The following PDZD2 variants were observed in gnomAD, a reference collection of about 807,000 sequenced individuals.
PDZD2 encodes the protein PDZ domain-containing protein 2.
A neutral mutation model predicts 220.7 loss-of-function variants in PDZD2; 90 were observed. The observed-to-expected ratio is 0.41, with a 90% CI of 0.34 to 0.49. PDZD2 has a LOEUF of 0.49. Ranked by LOEUF, PDZD2 falls within the 20% of genes least tolerant of loss-of-function variation. The pLI is 0.28. For missense variants in PDZD2, 3,174 were observed against 3,608.5 expected (o/e 0.88, Z 3.08); for synonymous variants, 1,375 against 1,450.5 (o/e 0.95, Z 1.18).
chr5:31,660,936 A>G (rs369864516), intron 1 of PDZD2, among the ~76,000 whole-genome samples: 2 of 152,126 alleles, frequency 1.3e-5, no homozygotes, highest in Admixed American at 6.5e-5. Flanking sequence ...GTCTTGCTAT[A>G]TTGTCCAGCC....
chr5:32,001,044 G>C (rs188155123), intron 5 of PDZD2, among the ~76,000 whole-genome samples: 1 of 152,188 alleles, frequency 6.6e-6, no homozygotes, highest in South Asian at 2.1e-4. Flanking sequence ...TAGGTTGCAC[G>C]CGTCTTATGA....
chr5:32,052,427 T>C, intron 8 of PDZD2, 184 bp from the exon 9 acceptor site: 1 of 537,944 alleles, frequency 1.9e-6, no homozygotes, highest in Non-Finnish European at 3.3e-6. Flanking sequence ...ATTACAGGCA[T>C]GAGCCACGGT....
At position 32,101,111 on chromosome 5, in the gene PDZD2, G is replaced by A. The variant is rs1744220399; in HGVS notation, c.8225G>A (p.Ser2742Asn). The change falls in exon 24 of 25, where the codon AGT becomes AAT. Residue 2742 changes from serine (S) to asparagine (N), a missense_variant. Coordinates refer to ENST00000438447, the MANE Select transcript of PDZD2 (RefSeq NM_178140.4). Reference protein sequence around the residue: ...TIPLEPGIGRSVAVHDALCVE... With the variant: ...TIPLEPGIGRNVAVHDALCVE... ...GTGCACGCTGCGGCTGCAGGGAGAA[G>A]TGTGGCTGTACACGATGCTCTGTGT... 1 of 1,614,198 alleles carries A rather than the reference G, an allele frequency of 6.2e-7. No individual in the cohort carries two copies. The highest frequency in any genetic ancestry group is 1.3e-5 in the African/African-American group (1 of 75,052).
At chr5:31,787,522 GGACA>G (rs1370653349) in intron 1 of PDZD2, 4 of 152,088 alleles carry the variant, frequency 2.6e-5, no homozygotes, top group Non-Finnish European at 5.9e-5. Flanking sequence ...ATTTTTATAT[GGACA>G]GATAGTCCAT....
intron 2 of PDZD2, among the ~76,000 whole-genome samples, chr5:31,925,592 A>G (rs1258642786): frequency 6.6e-6 from 1 of 152,154 alleles, no homozygotes. Context: ...CAGACACAAC[A>G]AAAACAAAAA....
intron 6 of PDZD2, among the ~76,000 whole-genome samples, chr5:32,011,028 A>AAAAC (rs1426218289): frequency 6.8e-6 from 1 of 147,044 alleles, no homozygotes; most frequent in African/African-American, 2.7e-5. Flanking sequence ...AAAAACAACA[A>AAAAC]CAACAACAAC....
chr5:31,989,484 G>A (rs932350535), intron 3 of PDZD2, among the ~76,000 whole-genome samples: 5 of 145,080 alleles, frequency 3.4e-5, no homozygotes, highest in Middle Eastern at 3.3e-3. Flanking sequence ...GTGCAGTGGC[G>A]CGATCTTGGC....
intron 7 of PDZD2, among the ~76,000 whole-genome samples, chr5:32,041,125 C>T (rs1581354184): frequency 6.8e-6 from 1 of 147,016 alleles, no homozygotes; most frequent in Non-Finnish European, 1.5e-5. Context: ...TGCCCGGCCG[C>T]CCCGTCTGGG....
At chr5:31,849,975 T>TAC (rs1757886485) in intron 2 of PDZD2, among the ~76,000 whole-genome samples, 1 of 35,806 alleles carries the variant, frequency 2.8e-5, no homozygotes, top group East Asian at 6.5e-4. Context: ...CATATATATA[T>TAC]ATACATATAT....
At chr5:31,944,421 C>T (rs914737673) in intron 2 of PDZD2, among the ~76,000 whole-genome samples, 33 of 152,146 alleles carry the variant, frequency 2.2e-4, no homozygotes, top group African/African-American at 7.7e-4. Flanking sequence ...GCTTTTCTAA[C>T]AAATTCAAAC....
intron 18 of PDZD2, among the ~76,000 whole-genome samples, chr5:32,076,289 A>G (rs1038938284): frequency 2.1e-5 from 1 of 48,772 alleles, no homozygotes; most frequent in Admixed American, 2.0e-4. Flanking sequence ...CGGTCTCAAG[A>G]AAAAAAAAAA....
At chr5:31,975,567 A>C (rs982365498) in intron 2 of PDZD2, among the ~76,000 whole-genome samples, 2 of 152,150 alleles carry the variant, frequency 1.3e-5, no homozygotes, top group African/African-American at 4.8e-5. Flanking sequence ...ATTTATGCTG[A>C]GTAGAGGAGG....
chr5:32,077,389 A>G (rs1171057054), intron 18 of PDZD2, 73 bp from the exon 19 acceptor site: 9 of 1,500,548 alleles, frequency 6.0e-6, no homozygotes, highest in African/African-American at 1.4e-5. Flanking sequence ...TCTGCTCTCT[A>G]TATATGATCT....
rs561007953 is a variant in PDZD2 at position 32,052,597 on chromosome 5, G to T, written c.1666-14G>T. ...TGAGAGTAATCTCTGACCTTGCCGT[G>T]TGCTGACTTTTAGGAATACCACATT... is the stretch of plus-strand genomic sequence containing the variant. On this transcript the variant is annotated splice_polypyrimidine_tract_variant and intron_variant, in intron 8 of 24. Coordinates refer to ENST00000438447, the MANE Select transcript of PDZD2 (RefSeq NM_178140.4). 1.9e-6 allele frequency: 3 copies of T among 1,613,140 alleles called. No individual in the cohort carries two copies. Among genetic ancestry groups the T allele is most frequent in the East Asian group, 4.5e-5 (2 of 44,884 alleles).
intron 2 of PDZD2, among the ~76,000 whole-genome samples, chr5:31,827,393 A>C (rs1756292164): frequency 6.6e-6 from 1 of 152,154 alleles, no homozygotes; most frequent in Admixed American, 6.5e-5. Flanking sequence ...CTTTCTTGTT[A>C]TATAATAGCT....
chr5:32,068,678 A>G (rs1010138482), intron 14 of PDZD2, among the ~76,000 whole-genome samples: 1 of 152,222 alleles, frequency 6.6e-6, no homozygotes, highest in African/African-American at 2.4e-5. Context: ...TATGTTACAC[A>G]GTCATCAATG....
At chr5:31,935,641 T>TA (rs771469926) in intron 2 of PDZD2, among the ~76,000 whole-genome samples, 17 of 151,844 alleles carry the variant, frequency 1.1e-4, no homozygotes, top group African/African-American at 2.9e-4. Flanking sequence ...GGATGCAATT[T>TA]AAAAAAAAAT....
At chr5:32,060,167 A>C (rs115006891) in intron 13 of PDZD2, among the ~76,000 whole-genome samples, 1 of 149,554 alleles carries the variant, frequency 6.7e-6, no homozygotes, top group East Asian at 2.0e-4. Flanking sequence ...CATTAGAGTA[A>C]ATTTCCATAT....
At chr5:32,092,254 A>G (rs1373615785) in intron 20 of PDZD2, among the ~76,000 whole-genome samples, 1 of 148,696 alleles carries the variant, frequency 6.7e-6, no homozygotes, top group Non-Finnish European at 1.5e-5. Context: ...AGCCTGGGCA[A>G]CAGAGTAAGA....
Sources: gnomAD v4.1 joint callset for allele counts (sites outside exome capture counted in the v4.1 genomes callset) on GRCh38, gnomAD v4.1.1 for gene constraint, MANE v1.5 for transcripts, NCBI Gene and HGNC (gene_info 2026-07-23, HGNC 2026-07-21) for gene names.